The following MATN2 variants were observed in gnomAD, a reference collection of about 807,000 sequenced individuals.
MATN2 encodes the protein matrilin 2, also known as matrilin-2.
Under a neutral mutation model 103.2 loss-of-function variants are expected in MATN2, and 69 were observed. That is an observed-to-expected ratio of 0.67 (90% CI 0.55 to 0.82). The LOEUF (loss-of-function observed/expected upper bound fraction) is 0.82, where lower values mean the gene tolerates loss of function less well. Ranked by LOEUF, MATN2 falls within the 40% of genes least tolerant of loss-of-function variation. MATN2 has a pLI of 0.00. For missense variants in MATN2, 1,023 were observed against 1,211.5 expected (o/e 0.84, Z 2.31); for synonymous variants, 429 against 450.2 (o/e 0.95, Z 0.60).
chr8:98,020,307 G>A (rs1029827540), intron 12 of MATN2, among the ~76,000 whole-genome samples: 9 of 151,972 alleles, frequency 5.9e-5, no homozygotes, highest in Non-Finnish European at 1.2e-4. Flanking sequence ...CACCACACCC[G>A]GTTAATTTTT....
intron 2 of MATN2, among the ~76,000 whole-genome samples, chr8:97,901,700 C>G (rs1007114158): frequency 6.6e-6 from 1 of 152,190 alleles, no homozygotes; most frequent in Non-Finnish European, 1.5e-5. Context: ...TCTGGCTCAC[C>G]ACCAGTCAGG....
intron 13 of MATN2, chr8:98,025,720 T>A (rs1412462392): frequency 2.3e-6 from 1 of 434,606 alleles, no homozygotes; most frequent in Admixed American, 2.6e-5. Flanking sequence ...TACTCCAGCC[T>A]GGGCGACACA....
At chr8:97,911,567 C>T (rs542590162) in intron 2 of MATN2, among the ~76,000 whole-genome samples, 2 of 151,764 alleles carry the variant, frequency 1.3e-5, no homozygotes, top group East Asian at 3.9e-4. Flanking sequence ...AATAGCTGGG[C>T]ATGGTGGCGT....
intron 14 of MATN2, among the ~76,000 whole-genome samples, chr8:98,028,291 G>A (rs1479714263): frequency 6.6e-6 from 1 of 152,158 alleles, no homozygotes; most frequent in Non-Finnish European, 1.5e-5. Context: ...ATAGCCCCTA[G>A]GGTGGATAAT....
chr8:98,029,583 T>A (rs1371830574), intron 14 of MATN2, among the ~76,000 whole-genome samples: 19 of 152,224 alleles, frequency 1.2e-4, no homozygotes, highest in African/African-American at 3.9e-4. Flanking sequence ...TTTTAGGAAG[T>A]CGTGCATAAA....
chr8:98,010,553 C>T (rs1257158982), intron 10 of MATN2, among the ~76,000 whole-genome samples: 5 of 152,106 alleles, frequency 3.3e-5, no homozygotes, highest in Non-Finnish European at 5.9e-5. Flanking sequence ...TGTGGACTGC[C>T]GTGACCCCTA....
intron 2 of MATN2, among the ~76,000 whole-genome samples, chr8:97,893,577 T>TTTATTTATTTAG: frequency 6.9e-6 from 1 of 145,572 alleles, no homozygotes; most frequent in South Asian, 2.2e-4. Flanking sequence ...TATTTATTTA[T>TTTATTTATTTAG]TTATTTATTT....
rs757051210 is a variant in MATN2 at position 97,931,323 on chromosome 8, G to T, written c.513G>T (p.Gly171=). The part of the protein sequence containing the change: ...VPRVIMIVTD[G]RPQDSVAEVA... The stretch of plus-strand genomic sequence containing the variant: ...GGGTCATAATGATCGTGACAGATGG[G>T]AGACCTCAGGACTCCGTGGCCGAGG... The change falls in exon 3 of 19, where the codon GGG becomes GGT. Residue 171 remains glycine, a synonymous_variant. Coordinates refer to ENST00000254898, the MANE Select transcript of MATN2 (RefSeq NM_002380.5). This position sits in a 1 kb window ranked among gnomAD's most constrained non-coding sequence, Gnocchi z 4.1. 2 of 1,613,814 alleles carry T rather than the reference G, an allele frequency of 1.2e-6. No homozygotes were observed. Among genetic ancestry groups the T allele is most frequent in the Non-Finnish European group, 1.7e-6 (2 of 1,179,898 alleles).
chr8:97,945,507 C>T (rs963989611), intron 4 of MATN2, among the ~76,000 whole-genome samples: 1 of 151,904 alleles, frequency 6.6e-6, no homozygotes, highest in South Asian at 2.1e-4. Context: ...AGAAAACCTT[C>T]TCCAAGCCGG....
intron 6 of MATN2, among the ~76,000 whole-genome samples, chr8:97,987,595 A>G (rs928360186): frequency 5.9e-5 from 9 of 152,148 alleles, no homozygotes; most frequent in African/African-American, 2.2e-4. Flanking sequence ...TAATTTATAA[A>G]TGTATGTTTA....
At chr8:98,012,343 G>C (rs1218180029) in intron 10 of MATN2, among the ~76,000 whole-genome samples, 1 of 152,172 alleles carries the variant, frequency 6.6e-6, no homozygotes, top group Admixed American at 6.5e-5. Context: ...ATGTGAGAAG[G>C]ATGGAGCCGT....
chr8:97,949,017 T>C (rs1347048432), intron 4 of MATN2, among the ~76,000 whole-genome samples: 1 of 152,164 alleles, frequency 6.6e-6, no homozygotes, highest in African/African-American at 2.4e-5. Context: ...AAGTACCAAG[T>C]ATTCAGTACC....
intron 1 of MATN2, among the ~76,000 whole-genome samples, chr8:97,873,139 G>A (rs899704107): frequency 7.2e-5 from 11 of 152,094 alleles, no homozygotes; most frequent in African/African-American, 2.7e-4. Context: ...CTGGGGATTA[G>A]GCCATAGACA....
At chr8:97,949,470 G>A (rs1198516592) in intron 4 of MATN2, among the ~76,000 whole-genome samples, 1 of 152,074 alleles carries the variant, frequency 6.6e-6, no homozygotes, top group Non-Finnish European at 1.5e-5. Context: ...CACTGTGCCT[G>A]ACCAGAGTGG....
rs149216389 is a variant in MATN2 at position 97,954,001 on chromosome 8, C to T, written c.836-7407C>T. On this transcript the variant is annotated intron_variant, in intron 4 of 18. Coordinates refer to ENST00000254898, the MANE Select transcript of MATN2 (RefSeq NM_002380.5). ...TAAAAAAATAAAATAAAAATATCTT[C>T]TGTGAGACAGATGCTTTGCCCATCT... Among the ~76,000 whole-genome samples the T allele has an allele frequency of 4.3e-4, 65 of 152,220 alleles. No homozygotes were observed. The East Asian group carries it at 7.5e-3, about 18-fold the overall frequency.
In MATN2 at chr8:97,931,200, G is replaced by C. The variant is rs1810176464; in HGVS notation, c.390G>C (p.Leu130=). 3.9e-5 allele frequency: 63 copies of C among 1,613,450 alleles called. No individual in the cohort carries two copies. Among genetic ancestry groups the C allele is most frequent in the Non-Finnish European group, 5.3e-5 (62 of 1,179,446 alleles). Residue 130 remains leucine (L), a synonymous_variant, in exon 3 of 19, where the codon CTG becomes CTC. Coordinates refer to ENST00000254898, the MANE Select transcript of MATN2 (RefSeq NM_002380.5). This position sits in a 1 kb window ranked among gnomAD's most constrained non-coding sequence, Gnocchi z 4.1. ...GTGCTGTCAAGAGGATGCGGCATCTGTCCACGGGCACCATGACTGGGCTGG... is the reference window on the plus strand; with the variant it reads ...GTGCTGTCAAGAGGATGCGGCATCTCTCCACGGGCACCATGACTGGGCTGG... ...VERAVKRMRH[L]STGTMTGLAI...
At chr8:97,912,416 G>A (rs1416673076) in intron 2 of MATN2, among the ~76,000 whole-genome samples, 3 of 152,188 alleles carry the variant, frequency 2.0e-5, no homozygotes, top group South Asian at 4.1e-4. Flanking sequence ...AGCTGGAGCC[G>A]GGCATTGAAG....
intron 12 of MATN2, among the ~76,000 whole-genome samples, chr8:98,019,746 T>C (rs1813515652): frequency 6.6e-6 from 1 of 152,214 alleles, no homozygotes; most frequent in Non-Finnish European, 1.5e-5. Flanking sequence ...GGAGGGGTGG[T>C]TGACAAAGTC....
At chr8:97,997,994 A>G (rs1812648703) in intron 7 of MATN2, among the ~76,000 whole-genome samples, 2 of 151,020 alleles carry the variant, frequency 1.3e-5, no homozygotes, top group Middle Eastern at 3.2e-3. Context: ...TAGTTTTTGT[A>G]TTTTTAGTAG....
Sources: allele counts gnomAD v4.1 joint callset (sites outside exome capture counted in the v4.1 genomes callset), GRCh38; gene constraint gnomAD v4.1.1; non-coding constraint Gnocchi (gnomAD v3.1); transcripts MANE v1.5; gene names NCBI Gene and HGNC (gene_info 2026-07-23, HGNC 2026-07-21).